Variants in EFCAB14 observed in about 807,000 individuals in gnomAD.
EFCAB14 encodes EF-hand calcium binding domain 14, also known as EF-hand calcium-binding domain-containing protein 14.
Under a neutral mutation model 56.5 loss-of-function variants are expected in EFCAB14, and 43 were observed. That is an observed-to-expected ratio of 0.76 (90% CI 0.60 to 0.98). The LOEUF is 0.98. Ranked by LOEUF, EFCAB14 falls within the 50% of genes least tolerant of loss-of-function variation. The pLI is 0.00. For missense variants in EFCAB14, 538 were observed against 580.3 expected (o/e 0.93, Z 0.75); for synonymous variants, 235 against 212.9 (o/e 1.10, Z -0.90).
At chr1:46,684,316 T>G (rs1401157132) in intron 9 of EFCAB14, 175 bp downstream of exon 9, 1 of 584,576 alleles carries the variant, frequency 1.7e-6, no homozygotes, top group Non-Finnish European at 3.0e-6. Flanking sequence ...GTACAAATCA[T>G]GTACAAAATG....
intron 10 of EFCAB14, 108 bp downstream of exon 10, chr1:46,683,192 T>C: frequency 7.8e-7 from 1 of 1,287,210 alleles, no homozygotes; most frequent in East Asian, 2.4e-5. Context: ...GCACTTGATA[T>C]CTCCTCAATA....
intron 3 of EFCAB14, among the ~76,000 whole-genome samples, chr1:46,696,892 G>A (rs1175900669): frequency 1.3e-5 from 2 of 152,160 alleles, no homozygotes; most frequent in Non-Finnish European, 2.9e-5. Context: ...GTGAAGGCAA[G>A]TGTTATTCTT....
intron 2 of EFCAB14, among the ~76,000 whole-genome samples, chr1:46,708,494 C>T (rs1306312725): frequency 2.0e-5 from 3 of 152,178 alleles, no homozygotes; most frequent in Non-Finnish European, 4.4e-5. Flanking sequence ...TACTGACCAG[C>T]TCAATTAAGG....
intron 4 of EFCAB14, among the ~76,000 whole-genome samples, chr1:46,696,199 T>C (rs903852744): frequency 1.3e-5 from 2 of 151,920 alleles, no homozygotes; most frequent in Non-Finnish European, 2.9e-5. Flanking sequence ...GATGAAGATA[T>C]TGTGAGTGGT....
intron 2 of EFCAB14, among the ~76,000 whole-genome samples, chr1:46,709,307 C>T (rs1677275010): frequency 6.6e-6 from 1 of 152,210 alleles, no homozygotes; most frequent in African/African-American, 2.4e-5. Flanking sequence ...GACACACTAA[C>T]CTTTGAAGCC....
chr1:46,708,742 T>C (rs987378841), intron 2 of EFCAB14, among the ~76,000 whole-genome samples: 6 of 152,190 alleles, frequency 3.9e-5, no homozygotes, highest in African/African-American at 4.8e-5. Flanking sequence ...AAATAGAAGA[T>C]AAAAGAATAT....
chr1:46,697,260 T>G (rs1431097689), intron 3 of EFCAB14, among the ~76,000 whole-genome samples: 1 of 152,212 alleles, frequency 6.6e-6, no homozygotes, highest in East Asian at 1.9e-4. Context: ...AGGGGCTCAA[T>G]AAATACTCAC....
intron 10 of EFCAB14, chr1:46,682,163 T>A (rs1456961408): frequency 6.6e-6 from 1 of 152,244 alleles, no homozygotes; most frequent in East Asian, 1.9e-4. Context: ...TAGGAAGTTA[T>A]ATTTTGTATC....
At chr1:46,711,102 G>T (rs1677302183) in intron 2 of EFCAB14, among the ~76,000 whole-genome samples, 1 of 152,172 alleles carries the variant, frequency 6.6e-6, no homozygotes, top group Non-Finnish European at 1.5e-5. Flanking sequence ...AATAAACATG[G>T]GGGTGTGGAT....
chr1:46,702,931 G>C (rs1267137208), intron 3 of EFCAB14, among the ~76,000 whole-genome samples: 1 of 152,138 alleles, frequency 6.6e-6, no homozygotes, highest in Non-Finnish European at 1.5e-5. Context: ...TATAATGAGT[G>C]ACTAAAATTC....
At chr1:46,697,608 G>C (rs1036771935) in intron 3 of EFCAB14, among the ~76,000 whole-genome samples, 1 of 152,152 alleles carries the variant, frequency 6.6e-6, no homozygotes, top group African/African-American at 2.4e-5. Flanking sequence ...GCCAAGCACA[G>C]TGGTAGGCAC....
At chr1:46,708,191 T>C (rs1677260483) in intron 2 of EFCAB14, 140 bp from the exon 3 acceptor site, 3 of 871,590 alleles carry the variant, frequency 3.4e-6, no homozygotes, top group African/African-American at 1.7e-5. Context: ...TATGTAAATA[T>C]ATATCTTTCA....
chr1:46,696,969 C>T (rs1677085514), intron 3 of EFCAB14, among the ~76,000 whole-genome samples: 1 of 152,224 alleles, frequency 6.6e-6, no homozygotes, highest in Non-Finnish European at 1.5e-5. Flanking sequence ...AATTATCACA[C>T]ACTCCCTCAA....
intron 9 of EFCAB14, 47 bp from the exon 10 acceptor site, chr1:46,683,472 C>A (rs1242655328): frequency 6.4e-7 from 1 of 1,572,616 alleles, no homozygotes; most frequent in Non-Finnish European, 8.6e-7. Flanking sequence ...GAATCTAACA[C>A]CAAATTAAAC....
chr1:46,694,338 C>G (rs1454086061), intron 4 of EFCAB14, among the ~76,000 whole-genome samples: 6 of 152,066 alleles, frequency 3.9e-5, no homozygotes, highest in South Asian at 2.1e-4. Flanking sequence ...ATCTGACAAA[C>G]GGCTAATATC....
At chr1:46,687,889 C>G (rs1412692953) in intron 7 of EFCAB14, among the ~76,000 whole-genome samples, 3 of 152,090 alleles carry the variant, frequency 2.0e-5, no homozygotes, top group Non-Finnish European at 4.4e-5. Context: ...AAAGGTTCCC[C>G]TTAATATATA....
chr1:46,698,626 G>C (rs1677109200), intron 3 of EFCAB14, among the ~76,000 whole-genome samples: 1 of 152,184 alleles, frequency 6.6e-6, no homozygotes, highest in Non-Finnish European at 1.5e-5. Flanking sequence ...TCAGGGAAGA[G>C]GGAACTGCTA....
intron 2 of EFCAB14, among the ~76,000 whole-genome samples, chr1:46,712,389 T>C (rs1298669520): frequency 1.3e-5 from 2 of 151,734 alleles, no homozygotes; most frequent in Non-Finnish European, 2.9e-5. Flanking sequence ...ACTGTGGAGG[T>C]TTTTTGAAGT....
Position 46,696,612 on chromosome 1 carries a change from G to A in EFCAB14, c.518C>T (p.Ala173Val). 27 of 1,613,658 alleles carry A rather than the reference G, an allele frequency of 1.7e-5. No homozygotes were observed. The highest frequency in any genetic ancestry group is 2.2e-5 in the Non-Finnish European group (26 of 1,179,670). ...CAAGTCTGCAGCTGACTTAACATTG[G>A]CTTTGAGGTGGTTCACTGCAGAAGT... ...LLTSAVNHLK[A>V]NVKSAADLIS... Residue 173 changes from alanine to valine, a missense_variant, in exon 4 of 11, where the codon GCC becomes GTC. Coordinates refer to ENST00000371933, the MANE Select transcript of EFCAB14 (RefSeq NM_014774.3).
Sources: gnomAD v4.1 joint callset for allele counts (sites outside exome capture counted in the v4.1 genomes callset) on GRCh38, gnomAD v4.1.1 for gene constraint, MANE v1.5 for transcripts, NCBI Gene and HGNC (gene_info 2026-07-23, HGNC 2026-07-21) for gene names.